Variants in HMBOX1 observed in about 807,000 individuals in gnomAD.
HMBOX1 encodes homeobox containing 1.
A neutral mutation model predicts 54.5 loss-of-function variants in HMBOX1; 14 were observed. That is an observed-to-expected ratio of 0.26 (90% confidence interval 0.17 to 0.40). The LOEUF is 0.40. Ranked by LOEUF, HMBOX1 falls within the 10% of genes least tolerant of loss-of-function variation. HMBOX1 has a pLI of 1.00. For synonymous variants in HMBOX1, 160 were observed against 181.0 expected (o/e 0.88, Z 0.93); for missense variants, 332 against 514.4 (o/e 0.65, Z 3.43).
At chr8:28,910,396 G>T (rs887722262) in intron 1 of HMBOX1, among the ~76,000 whole-genome samples, 1 of 152,136 alleles carries the variant, frequency 6.6e-6, no homozygotes, top group African/African-American at 2.4e-5. Flanking sequence ...CTTTTTGGGG[G>T]AACATGTTTT....
chr8:28,943,011 C>G (rs1222671962), intron 1 of HMBOX1, among the ~76,000 whole-genome samples: 1 of 152,150 alleles, frequency 6.6e-6, no homozygotes, highest in African/African-American at 2.4e-5. Flanking sequence ...ACTCTAGACT[C>G]CTGCTTTTTG....
chr8:28,914,149 T>G (rs1816059374), intron 1 of HMBOX1, among the ~76,000 whole-genome samples: 1 of 152,090 alleles, frequency 6.6e-6, no homozygotes, highest in Admixed American at 6.6e-5. Context: ...ATTACAGGCG[T>G]GAGCTACCGT....
chr8:28,890,344 A>C (rs1302055474), upstream of HMBOX1: 1 of 173,140 alleles, frequency 5.8e-6, no homozygotes, highest in Non-Finnish European at 1.3e-5. Flanking sequence ...CAGGGGAGGC[A>C]GGAACTACAA....
intron 1 of HMBOX1, among the ~76,000 whole-genome samples, chr8:28,948,653 C>T (rs1181875307): frequency 6.6e-6 from 1 of 152,060 alleles, no homozygotes; most frequent in Non-Finnish European, 1.5e-5. Flanking sequence ...ATTTATTGTG[C>T]AAATTAGTGT....
chr8:28,939,775 GC>G (rs1195257927), intron 1 of HMBOX1, among the ~76,000 whole-genome samples: 1 of 152,060 alleles, frequency 6.6e-6, no homozygotes, highest in Admixed American at 6.5e-5. Flanking sequence ...CTCCTGAAGT[GC>G]TGGGGTTACA....
chr8:28,892,392 G>A (rs549806527), intron 1 of HMBOX1, among the ~76,000 whole-genome samples: 1 of 152,068 alleles, frequency 6.6e-6, no homozygotes, highest in Non-Finnish European at 1.5e-5. Context: ...AACACACTAG[G>A]AGAATTTAAG....
At chr8:28,898,516 T>A (rs1812600657) in intron 1 of HMBOX1, among the ~76,000 whole-genome samples, 1 of 152,214 alleles carries the variant, frequency 6.6e-6, no homozygotes, top group Admixed American at 6.5e-5. Flanking sequence ...GAAGAGTGAC[T>A]AGACCTTGTG....
chr8:28,946,502 G>A (rs898653663), intron 1 of HMBOX1, among the ~76,000 whole-genome samples: 4 of 151,930 alleles, frequency 2.6e-5, no homozygotes, highest in Admixed American at 1.3e-4. Context: ...CCCGGGAGGT[G>A]GATGTTGCAG....
intron 3 of HMBOX1, among the ~76,000 whole-genome samples, chr8:28,973,973 C>T (rs1213266003): frequency 2.0e-5 from 3 of 151,836 alleles, no homozygotes; most frequent in African/African-American, 4.8e-5. Context: ...ACCACCACCC[C>T]CAGCTAATTT....
chr8:28,949,600 A>G (rs891542444), intron 1 of HMBOX1: 8 of 152,172 alleles, frequency 5.3e-5, no homozygotes, highest in African/African-American at 1.9e-4. Context: ...CCTTAAGATG[A>G]TCTTACTTAA....
intron 4 of HMBOX1, among the ~76,000 whole-genome samples, chr8:28,990,161 G>A (rs67943301): frequency 0.15 from 22,278 of 152,052 alleles, 1,975 homozygotes; most frequent in East Asian, 0.47. Flanking sequence ...CCTTTTCAAT[G>A]TGTCTTCTTT....
intron 4 of HMBOX1, among the ~76,000 whole-genome samples, chr8:28,988,545 C>A (rs1830487735): frequency 6.6e-6 from 1 of 152,200 alleles, no homozygotes; most frequent in Non-Finnish European, 1.5e-5. Context: ...TATCTTCCCA[C>A]CAGCAAAGAA....
chr8:28,962,709 A>G (rs1319841282), intron 1 of HMBOX1, among the ~76,000 whole-genome samples: 1 of 152,180 alleles, frequency 6.6e-6, no homozygotes, highest in Non-Finnish European at 1.5e-5. Context: ...TAATCCTCAA[A>G]TAACAGCCAG....
chr8:29,027,289 C>T (rs78761176), intron 6 of HMBOX1, among the ~76,000 whole-genome samples: 6 of 152,106 alleles, frequency 3.9e-5, no homozygotes, highest in South Asian at 2.1e-4. Context: ...GAAGTACTTA[C>T]GGGCTGTGAG....
At chr8:28,923,841 A>T (rs1817945993) in intron 1 of HMBOX1, among the ~76,000 whole-genome samples, 1 of 151,398 alleles carries the variant, frequency 6.6e-6, no homozygotes. Flanking sequence ...TGAGGTTTTG[A>T]TTTGTATTTC....
Position 28,922,625 on chromosome 8 carries a change from C to G in HMBOX1, c.-58+31947C>G, listed in dbSNP as rs375227614. ...CAGTAATACACATACACAATTTCCA[C>G]ATAATTTCAGACAGTTCTCAGACCT... On this transcript the variant is annotated intron_variant, in intron 1 of 9. Coordinates refer to ENST00000287701, the MANE Select transcript of HMBOX1 (RefSeq NM_001135726.3). Among the ~76,000 whole-genome samples the G allele has an allele frequency of 2.1e-3, 322 of 152,282 alleles. 3 individuals carry two copies. Among genetic ancestry groups the G allele is most frequent in the South Asian group, 1.0e-2 (48 of 4,824 alleles).
intron 6 of HMBOX1, among the ~76,000 whole-genome samples, chr8:29,036,479 C>T (rs538554299): frequency 8.5e-5 from 13 of 152,216 alleles, no homozygotes; most frequent in Admixed American, 2.0e-4. Flanking sequence ...ATTTAATTCT[C>T]CTCTACTCAG....
At chr8:28,969,820 C>A (rs1015339092) in intron 2 of HMBOX1, among the ~76,000 whole-genome samples, 45 of 152,048 alleles carry the variant, frequency 3.0e-4, no homozygotes, top group Non-Finnish European at 1.3e-4. Flanking sequence ...AATTGTATGC[C>A]ATATGAAATT....
At chr8:28,927,831 CAAAAA>C (rs34952149) in intron 1 of HMBOX1, among the ~76,000 whole-genome samples, 4 of 52,754 alleles carry the variant, frequency 7.6e-5, no homozygotes, top group Admixed American at 2.6e-4. Context: ...AACTCAGTCT[CAAAAA>C]AAAAAAAAAA....
Sources: gnomAD v4.1 joint callset for allele counts (sites outside exome capture counted in the v4.1 genomes callset) on GRCh38, gnomAD v4.1.1 for gene constraint, MANE v1.5 for transcripts, NCBI Gene and HGNC (gene_info 2026-07-23, HGNC 2026-07-21) for gene names.